Variants in ETFBKMT observed in about 807,000 individuals in gnomAD.
ETFBKMT encodes electron transfer flavoprotein subunit beta lysine methyltransferase.
A neutral mutation model predicts 18.3 loss-of-function variants in ETFBKMT; 13 were observed. That is an observed-to-expected ratio of 0.71 (90% CI 0.46 to 1.13). ETFBKMT has a LOEUF of 1.13. Among genes scored for constraint, ETFBKMT ranks in the 50% most tolerant of loss-of-function variants. The probability of loss-of-function intolerance (pLI) is 0.00; values close to 1 mark genes in which losing one functional copy is unlikely to be tolerated. For synonymous variants in ETFBKMT, 84 were observed against 107.9 expected, an observed-to-expected ratio of 0.78 and a Z score of 1.37; for missense variants, 293 against 306.2, an observed-to-expected ratio of 0.96 and a Z score of 0.32.
chr12:31,659,492 T>TA (rs947287667), upstream of ETFBKMT: 1 of 152,188 alleles, frequency 6.6e-6, no homozygotes, highest in Non-Finnish European at 1.5e-5. Context: ...TCCTTCTCAT[T>TA]AAGAGAAATA....
In ETFBKMT at chr12:31,666,231, T is replaced by C; in HGVS notation, c.445+14T>C. 1 of 1,598,600 alleles carries C rather than the reference T, an allele frequency of 6.3e-7. No individual in the cohort carries two copies. Among genetic ancestry groups the C allele is most frequent in the South Asian group, 1.1e-5 (1 of 88,216 alleles). The stretch of plus-strand genomic sequence containing the variant: ...ACATAGACCCTAGTAAGGATTCATA[T>C]TTTAAAATATTTAAGGCTCATCTTT... On this transcript the variant is annotated intron_variant, in intron 3 of 3. Transcript: ENST00000357721.
upstream of ETFBKMT, among the ~76,000 whole-genome samples, chr12:31,657,877 T>C (rs966130296): frequency 1.3e-5 from 2 of 150,984 alleles, no homozygotes; most frequent in African/African-American, 4.9e-5. Context: ...CAAGCCATTA[T>C]AATGCCAAAC....
intron 2 of ETFBKMT, among the ~76,000 whole-genome samples, chr12:31,663,307 G>T (rs1951151892): frequency 6.6e-6 from 1 of 152,114 alleles, no homozygotes. Context: ...TGATCAGGCT[G>T]GTCTCGAACT....
intron 1 of ETFBKMT, among the ~76,000 whole-genome samples, chr12:31,652,203 C>T (rs1937610184): frequency 6.6e-6 from 1 of 152,178 alleles, no homozygotes; most frequent in Non-Finnish European, 1.5e-5. Context: ...CCGGCTGGTC[C>T]TTTCCACTCG....
chr12:31,668,008 A>T lies in ETFBKMT; in HGVS notation c.*18A>T. ...AGCCTTGAGTTGTCAAAGTGCTTCC[A>T]AGTATGAATATAGTAATGTTTGGAT... is the stretch of plus-strand genomic sequence containing the variant. On this transcript the variant is annotated 3_prime_UTR_variant, in exon 4 of 4. Transcript: ENST00000357721. The T allele has an allele frequency of 6.3e-7, 1 of 1,593,608 alleles. No homozygotes were observed. Among genetic ancestry groups the T allele is most frequent in the African/African-American group, 1.3e-5 (1 of 74,466 alleles).
intron 2 of ETFBKMT, 145 bp from the exon 3 acceptor site, chr12:31,665,942 T>G (rs548330685): frequency 1.7e-6 from 1 of 603,446 alleles, no homozygotes; most frequent in South Asian, 2.1e-5. Context: ...GTGGGTGTTA[T>G]GGCCATCATG....
At chr12:31,666,365 A>C (rs370520716) in intron 3 of ETFBKMT, 148 bp downstream of exon 3, 11 of 860,266 alleles carry the variant, frequency 1.3e-5, no homozygotes, top group Admixed American at 2.9e-5. Flanking sequence ...CATTATCTGT[A>C]GGAATCCCCT....
intron 1 of ETFBKMT, among the ~76,000 whole-genome samples, chr12:31,652,438 T>A (rs1485790592): frequency 6.6e-6 from 1 of 152,208 alleles, no homozygotes; most frequent in African/African-American, 2.4e-5. Context: ...CCCTTTGTCT[T>A]ATCATTTCTT....
At chr12:31,648,114 C>T (rs2139605423) in intron 1 of ETFBKMT, among the ~76,000 whole-genome samples, 1 of 152,234 alleles carries the variant, frequency 6.6e-6, no homozygotes, top group Middle Eastern at 3.4e-3. Context: ...GTGGAAACCA[C>T]CTTAATGTTT....
In ETFBKMT at chr12:31,671,067, C is replaced by A. The variant is rs1046815686; in HGVS notation, c.*3077C>A. 1 of 152,086 alleles carries A rather than the reference C, an allele frequency of 6.6e-6. No homozygotes were observed. The highest frequency in any genetic ancestry group is 1.5e-5 in the Non-Finnish European group (1 of 68,010). 9.4% of individuals were successfully genotyped at this position (152,086 alleles called of 1,614,324 possible). A position where few individuals can be genotyped will look rare whatever the true frequency, so the allele number is the denominator to read the frequency against. ...TGCAAACTGTTTTAGGAAGATAAAT[C>A]CTTCATAGACCCAAAGAAGCTCACA... On this transcript the variant is annotated 3_prime_UTR_variant, in exon 4 of 4. Transcript: ENST00000357721.
Position 31,661,923 on chromosome 12 carries a change from T to C in ETFBKMT, c.-31T>C, listed in dbSNP as rs147007730. 3.1e-5 allele frequency: 49 copies of C among 1,602,118 alleles called. No homozygotes were observed. The Middle Eastern group carries it at 5.0e-4, about 16-fold the overall frequency. ...AGAAGCAGCTATTATCAACAGAACATTGACAGAACCTGTGTTTGGGGAAAG... is the reference window on the plus strand; with the variant it reads ...AGAAGCAGCTATTATCAACAGAACACTGACAGAACCTGTGTTTGGGGAAAG... On this transcript the variant is annotated 5_prime_UTR_variant, in exon 2 of 4. Coordinates refer to ENST00000357721, the MANE Select transcript of ETFBKMT (RefSeq NM_001135863.2).
chr12:31,664,608 TTTTC>T (rs1157311180), intron 2 of ETFBKMT, among the ~76,000 whole-genome samples: 2 of 148,986 alleles, frequency 1.3e-5, no homozygotes, highest in Admixed American at 6.7e-5. Flanking sequence ...ATACATTTCT[TTTTC>T]TTTCTTTTTT....
chr12:31,658,926 C>CTTTT (rs10716608), upstream of ETFBKMT, among the ~76,000 whole-genome samples: 3 of 137,288 alleles, frequency 2.2e-5, no homozygotes, highest in Non-Finnish European at 3.1e-5. Context: ...TATACTGTGT[C>CTTTT]TTTTTTTTTT....
At chr12:31,649,488 CCT>C (rs1243468302) in intron 1 of ETFBKMT, among the ~76,000 whole-genome samples, 2 of 152,126 alleles carry the variant, frequency 1.3e-5, no homozygotes, top group Non-Finnish European at 2.9e-5. Flanking sequence ...TTGTGGTACC[CCT>C]GTGTCGGGCT....
At chr12:31,657,700 G>A (rs1379332527), upstream of ETFBKMT, among the ~76,000 whole-genome samples, 2 of 149,442 alleles carry the variant, frequency 1.3e-5, no homozygotes, top group Non-Finnish European at 3.0e-5. Flanking sequence ...GCTGAGGCAG[G>A]AGAATGGCTT....
rs752345267 is a variant in ETFBKMT, at chr12:31,667,839, G to T, written c.638G>T (p.Arg213Leu). ...LKKCFWTYRTRVLIGDPGRPQ... is the reference protein window; with the variant it reads ...LKKCFWTYRTLVLIGDPGRPQ... The stretch of plus-strand genomic sequence containing the variant: ...AAGTGCTTCTGGACCTATAGAACTC[G>T]AGTACTGATTGGTGACCCTGGGCGG... The change falls in exon 4 of 4, where the codon CGA (arginine) becomes CTA (leucine). Residue 213 changes from arginine (R) to leucine (L), a missense_variant. Physicochemically the swap from Arg to Leu is moderately radical, Grantham distance 102. Transcript: ENST00000357721. 3 of 1,614,170 alleles carry T rather than the reference G, an allele frequency of 1.9e-6. No homozygotes were observed. The African/African-American group carries it at 4.0e-5, about 22-fold the overall frequency.
chr12:31,665,437 A>C (rs1338703066), intron 2 of ETFBKMT, among the ~76,000 whole-genome samples: 1 of 151,556 alleles, frequency 6.6e-6, no homozygotes, highest in Non-Finnish European at 1.5e-5. Context: ...GCTACTTTTC[A>C]CTATTTCTTT....
intron 3 of ETFBKMT, among the ~76,000 whole-genome samples, chr12:31,666,459 G>T (rs1409857681): frequency 6.6e-6 from 1 of 152,068 alleles, no homozygotes; most frequent in African/African-American, 2.4e-5. Flanking sequence ...TAATTTATGG[G>T]CTAGGAATTT....
chr12:31,653,203 C>T (rs1219361344), intron 1 of ETFBKMT, among the ~76,000 whole-genome samples: 4 of 127,498 alleles, frequency 3.1e-5, no homozygotes, highest in Non-Finnish European at 6.7e-5. Flanking sequence ...AGCGAGACTC[C>T]GTCTCAAAAA....
Sources: gnomAD v4.1 joint callset for allele counts (sites outside exome capture counted in the v4.1 genomes callset) on GRCh38, gnomAD v4.1.1 for gene constraint, MANE v1.5 for transcripts, NCBI Gene and HGNC (gene_info 2026-07-23, HGNC 2026-07-21) for gene names.